SLC37A1: variants seen among roughly 807,000 people sequenced by gnomAD.
SLC37A1 encodes the protein glucose-6-phosphate exchanger SLC37A1.
In SLC37A1, 49 loss-of-function variants were observed where a neutral mutation model predicts 75.3. That is an observed-to-expected ratio of 0.65 (90% CI 0.52 to 0.83). The LOEUF (loss-of-function observed/expected upper bound fraction) is 0.83, where lower values mean the gene tolerates loss of function less well. Among genes scored for constraint, SLC37A1 ranks in the 40% least tolerant of loss-of-function variants. The pLI is 0.00. For missense variants in SLC37A1, 566 were observed against 695.0 expected (o/e 0.81, Z 2.09); for synonymous variants, 268 against 292.1 (o/e 0.92, Z 0.84).
intron 13 of SLC37A1, among the ~76,000 whole-genome samples, 188 bp from the exon 14 acceptor site, chr21:42,564,520 A>G (rs55746675): frequency 0.082 from 12,418 of 152,182 alleles, 1,472 homozygotes; most frequent in African/African-American, 0.27. Flanking sequence ...CAAGACTCTC[A>G]CATCTGACCA....
At chr21:42,551,042 A>G (rs2055544390) in intron 9 of SLC37A1, among the ~76,000 whole-genome samples, 1 of 152,256 alleles carries the variant, frequency 6.6e-6, no homozygotes, top group African/African-American at 2.4e-5. Flanking sequence ...TGCCGTTTCT[A>G]TTTACCATTG....
intron 17 of SLC37A1, among the ~76,000 whole-genome samples, chr21:42,572,892 C>G (rs2056219861): frequency 1.3e-5 from 2 of 152,106 alleles, no homozygotes; most frequent in Admixed American, 1.3e-4. Flanking sequence ...TCATCACTTC[C>G]CATGGAAGAA....
chr21:42,558,454 CTTCT>C (rs1273648795), intron 10 of SLC37A1, among the ~76,000 whole-genome samples: 1 of 152,186 alleles, frequency 6.6e-6, no homozygotes, highest in Non-Finnish European at 1.5e-5. Context: ...TAGATTTTAG[CTTCT>C]TTCTTTCTAG....
intron 15 of SLC37A1, 88 bp from the exon 16 acceptor site, chr21:42,566,897 T>C: frequency 7.3e-7 from 1 of 1,370,286 alleles, no homozygotes; most frequent in Non-Finnish European, 1.0e-6. Context: ...CTCCCTGTGC[T>C]CCCCAGGCGC....
intron 10 of SLC37A1, 85 bp from the exon 11 acceptor site, chr21:42,558,873 G>C: frequency 6.4e-7 from 1 of 1,571,298 alleles, no homozygotes; most frequent in Non-Finnish European, 8.7e-7. Context: ...AGGCACCCTC[G>C]TCATTAGGAA....
At chr21:42,565,326 C>T (rs745416911) in intron 14 of SLC37A1, among the ~76,000 whole-genome samples, 6 of 152,262 alleles carry the variant, frequency 3.9e-5, no homozygotes, top group African/African-American at 7.2e-5. Flanking sequence ...TGTCAGTGGA[C>T]GCTGTAGCTC....
Position 42,568,423 on chromosome 21 carries a change from G to A in SLC37A1, c.1408G>A (p.Gly470Arg), listed in dbSNP as rs372994926. 4.4e-5 allele frequency: 71 copies of A among 1,613,922 alleles called. No homozygotes were observed. Among genetic ancestry groups the A allele is most frequent in the African/African-American group, 9.3e-5 (7 of 74,914 alleles). Reference sequence around the variant, plus strand: ...CTCCACCGTGACGGCCATCATTGACGGGACGGGCTCTGTAGGTGCGCAGAG... The same window carrying A: ...CTCCACCGTGACGGCCATCATTGACAGGACGGGCTCTGTAGGTGCGCAGAG... Reference protein sequence around the residue: ...ALSTVTAIIDGTGSVGAALGP... With the variant: ...ALSTVTAIIDRTGSVGAALGP... Residue 470 changes from glycine to arginine, a missense_variant, in exon 17 of 20, where the codon GGG (glycine) becomes AGG (arginine). Coordinates refer to ENST00000352133, the MANE Select transcript of SLC37A1 (RefSeq NM_001320537.2).
chr21:42,517,779 T>C (rs908162709), intron 1 of SLC37A1, among the ~76,000 whole-genome samples: 6 of 152,222 alleles, frequency 3.9e-5, no homozygotes, highest in Non-Finnish European at 8.8e-5. Context: ...CATTCCTCCT[T>C]TGGATTCAAA....
rs773333712 is a variant in SLC37A1, at chr21:42,535,524, C to T, written c.324C>T (p.Cys108=). ...LLGALDYSFL[C]AYAVGMYLSG... ...GGGCCCTGGACTACTCCTTCCTGTG[C>T]GCCTATGCCGTGGGGATGTACCTCA... Residue 108 remains cysteine, a synonymous_variant, in exon 5 of 20, where the codon TGC becomes TGT. Transcript: ENST00000352133. 13 of 1,614,060 alleles carry T rather than the reference C, an allele frequency of 8.1e-6. No individual in the cohort carries two copies. Among genetic ancestry groups the T allele is most frequent in the Admixed American group, 3.3e-5 (2 of 59,994 alleles).
chr21:42,543,057 A>G (rs2055322429), intron 7 of SLC37A1, among the ~76,000 whole-genome samples: 1 of 152,262 alleles, frequency 6.6e-6, no homozygotes, highest in East Asian at 1.9e-4. Context: ...ACTGTGCCTC[A>G]TTCACCTGGT....
chr21:42,546,323 ATTTACACAAAGATGTTTG>A (rs1452983764), intron 8 of SLC37A1, among the ~76,000 whole-genome samples: 6 of 152,172 alleles, frequency 3.9e-5, no homozygotes, highest in Non-Finnish European at 8.8e-5. Context: ...CCTTCCTTGC[ATTTACACAAAGATGTTTG>A]TTCCATATCA....
intron 12 of SLC37A1, among the ~76,000 whole-genome samples, chr21:42,563,494 GA>G (rs1569031777): frequency 1.6e-5 from 2 of 127,156 alleles, no homozygotes; most frequent in African/African-American, 6.4e-5. Flanking sequence ...CAGGATGATC[GA>G]GCATCCAGGC....
rs148528510 is a variant in SLC37A1, at chr21:42,539,226, C to T, written c.351-286C>T. 2.6e-3 allele frequency among the ~76,000 whole-genome samples: 397 copies of T among 152,314 alleles called. 5 individuals are homozygous for T. The highest frequency in any genetic ancestry group is 9.2e-3 in the African/African-American group (382 of 41,568). On this transcript the variant is annotated intron_variant, in intron 5 of 19. Transcript: ENST00000352133. Reference sequence around the variant, plus strand: ...AGCAAGACGAGTTCCTGTTTCCTTTCATTGGCAGCTATCATAGATAAGTCC... The same window carrying T: ...AGCAAGACGAGTTCCTGTTTCCTTTTATTGGCAGCTATCATAGATAAGTCC...
At chr21:42,522,627 A>C (rs2054681672) in intron 2 of SLC37A1, among the ~76,000 whole-genome samples, 1 of 152,218 alleles carries the variant, frequency 6.6e-6, no homozygotes, top group Admixed American at 6.5e-5. Flanking sequence ...CGAATTTGGA[A>C]ATAGAAGTAG....
rs1353592425 is a variant in SLC37A1 at position 42,548,154 on chromosome 21, CCT to C, written c.768+1020_768+1021del. 2.0e-5 allele frequency among the ~76,000 whole-genome samples: 3 copies of C among 152,050 alleles called. No homozygotes were observed. Among genetic ancestry groups the C allele is most frequent in the Non-Finnish European group, 4.4e-5 (3 of 68,000 alleles). On this transcript the variant is annotated intron_variant, in intron 9 of 19. Coordinates refer to ENST00000352133, the MANE Select transcript of SLC37A1 (RefSeq NM_001320537.2). This position sits in a 1 kb window ranked among gnomAD's most constrained non-coding sequence, Gnocchi z 5.6. ...GTGCCCCCAGGCTGCCCTGCGGCCT[CCT>C]CTCTCCTTGTCTGCCCGCTCACTGC...
At chr21:42,574,754 C>T (rs2147064396) in intron 17 of SLC37A1, 64 bp from the exon 18 acceptor site, 3 of 1,522,746 alleles carry the variant, frequency 2.0e-6, no homozygotes, top group East Asian at 2.3e-5. Context: ...TTCTCTGTGG[C>T]TGCTAGTTAT....
intron 1 of SLC37A1, among the ~76,000 whole-genome samples, chr21:42,517,092 CCT>C (rs2054534915): frequency 2.0e-5 from 3 of 152,212 alleles, no homozygotes; most frequent in Non-Finnish European, 4.4e-5. Flanking sequence ...CAGTCCCGGG[CCT>C]TCCTCTTTTG....
At chr21:42,528,605 C>T (rs772607457) in intron 3 of SLC37A1, among the ~76,000 whole-genome samples, 11 of 152,052 alleles carry the variant, frequency 7.2e-5, no homozygotes, top group African/African-American at 1.4e-4. Context: ...GTGGGCGGAT[C>T]ACCTGAGGTC....
At chr21:42,510,011 A>C (rs1339669306), upstream of SLC37A1, among the ~76,000 whole-genome samples, 1 of 152,222 alleles carries the variant, frequency 6.6e-6, no homozygotes, top group Non-Finnish European at 1.5e-5. Context: ...AGTTGATGGC[A>C]TACAAGTTGA....
Sources: allele counts gnomAD v4.1 joint callset (sites outside exome capture counted in the v4.1 genomes callset), GRCh38; gene constraint gnomAD v4.1.1; non-coding constraint Gnocchi (gnomAD v3.1); transcripts MANE v1.5; gene names NCBI Gene and HGNC (gene_info 2026-07-23, HGNC 2026-07-21).